ADAR: variants seen among roughly 807,000 people sequenced by gnomAD.
The protein encoded by ADAR is adenosine deaminase RNA specific, also known as double-stranded RNA-specific adenosine deaminase.
Under a neutral mutation model 113.2 loss-of-function variants are expected in ADAR, and 41 were observed. The observed-to-expected ratio is 0.36, with a 90% CI of 0.28 to 0.47. The LOEUF (loss-of-function observed/expected upper bound fraction) is 0.47, where lower values mean the gene tolerates loss of function less well. Ranked by LOEUF, ADAR falls within the 20% of genes least tolerant of loss-of-function variation. The pLI is 1.00. For synonymous variants in ADAR, 605 were observed against 572.6 expected (o/e 1.06, Z -0.81); for missense variants, 1,242 against 1,540.9 (o/e 0.81, Z 3.25).
intron 1 of ADAR, among the ~76,000 whole-genome samples, chr1:154,621,935 CA>C (rs1197779082): frequency 6.6e-6 from 1 of 152,068 alleles, no homozygotes; most frequent in Non-Finnish European, 1.5e-5. Flanking sequence ...TTGTTGTTGT[CA>C]AAAGAAAGAA....
rs1697829159 is a variant in ADAR at position 154,600,938 on chromosome 1, A to G, written c.1601+103T>C. The stretch of plus-strand genomic sequence containing the variant: ...AAAGGCAGAAGGGAAGGAGGAAAAG[A>G]TAGGCGCCACCAAACAGCACTGCTC... On this transcript the variant is annotated intron_variant, in intron 2 of 14. Transcript: ENST00000368474. The G allele has an allele frequency of 1.5e-5, 23 of 1,500,372 alleles. No homozygotes were observed. The South Asian group carries it at 2.5e-4, about 16-fold the overall frequency. 92.9% of individuals were successfully genotyped at this position (1,500,372 alleles called of 1,614,324 possible). A position where few individuals can be genotyped will look rare whatever the true frequency, so the allele number is the denominator to read the frequency against.
At chr1:154,589,731 G>A (rs1301044159) in intron 8 of ADAR, 26 bp downstream of exon 8, 1 of 1,614,018 alleles carries the variant, frequency 6.2e-7, no homozygotes. Context: ...GCCATGGGAG[G>A]CGGCATGTCT....
At chr1:154,624,056 T>A (rs1175187727) in intron 1 of ADAR, among the ~76,000 whole-genome samples, 2 of 143,746 alleles carry the variant, frequency 1.4e-5, no homozygotes, top group South Asian at 2.2e-4. Flanking sequence ...GAGAATGAAG[T>A]CAATAAAGAA....
intron 1 of ADAR, among the ~76,000 whole-genome samples, chr1:154,619,582 A>G (rs1698731737): frequency 6.6e-6 from 1 of 152,228 alleles, no homozygotes; most frequent in Non-Finnish European, 1.5e-5. Flanking sequence ...TTAATAATAA[A>G]GCATGTATCA....
At chr1:154,599,795 T>A (rs1697740808) in intron 2 of ADAR, among the ~76,000 whole-genome samples, 1 of 152,220 alleles carries the variant, frequency 6.6e-6, no homozygotes, top group African/African-American at 2.4e-5. Context: ...TGACCAGCTA[T>A]CTGAGTGAGG....
chr1:154,598,889 C>A (rs1347795421), intron 2 of ADAR, among the ~76,000 whole-genome samples: 1 of 152,236 alleles, frequency 6.6e-6, no homozygotes, highest in African/African-American at 2.4e-5. Context: ...AAAACCCACA[C>A]ACACAAAAAT....
rs773658109 is a variant in ADAR at position 154,601,853 on chromosome 1, G to A, written c.789C>T (p.Asp263=). 14 of 1,614,102 alleles carry A rather than the reference G, an allele frequency of 8.7e-6. No homozygotes were observed. The highest frequency in any genetic ancestry group is 1.1e-5 in the Non-Finnish European group (13 of 1,180,048). ...AGTTTGGGGATCCTTGGCTATGACT[G>A]TCTGGTCTTACCACTCCGCTGTGCT... ...WNQHSGVVRP[D]SHSQGSPNSD... is the part of the protein sequence containing the mutation. The change falls in exon 2 of 15, where the codon GAC becomes GAT. Residue 263 remains aspartate (D), a synonymous_variant. Coordinates refer to ENST00000368474, the MANE Select transcript of ADAR (RefSeq NM_001111.5). The surrounding 1 kb of genome is among the most constrained non-coding windows in gnomAD (Gnocchi z 4.7).
rs191358412 is a variant in ADAR at position 154,597,802 on chromosome 1, C to G, written c.1934+26G>C. The G allele has an allele frequency of 3.7e-4, 603 of 1,613,874 alleles. 2 individuals carry two copies. The African/African-American group carries it at 7.3e-3, about 19-fold the overall frequency. On this transcript the variant is annotated intron_variant, in intron 4 of 14. Coordinates refer to ENST00000368474, the MANE Select transcript of ADAR (RefSeq NM_001111.5). ...CTTTTTCTTTCTGAGAAAACCTCAG[C>G]TGGACAGAGGACACGTAGGACATAC...
intron 11 of ADAR, among the ~76,000 whole-genome samples, chr1:154,587,626 G>A (rs912778139): frequency 2.0e-4 from 30 of 152,162 alleles, no homozygotes; most frequent in African/African-American, 5.1e-4. Context: ...GAGTGGATGC[G>A]AAGAGACAGT....
chr1:154,619,623 GAAC>G (rs1698733554), intron 1 of ADAR, among the ~76,000 whole-genome samples: 1 of 151,942 alleles, frequency 6.6e-6, no homozygotes, highest in African/African-American at 2.4e-5. Context: ...AGGTTAATAA[GAAC>G]AACAACAAAA....
upstream of ADAR, among the ~76,000 whole-genome samples, chr1:154,611,139 C>T (rs1200778609): frequency 6.6e-6 from 1 of 152,060 alleles, no homozygotes; most frequent in Non-Finnish European, 1.5e-5. Context: ...TATATCTTAC[C>T]TCTGCTTTCT....
chr1:154,626,423 G>A (rs914113764), intron 1 of ADAR, among the ~76,000 whole-genome samples: 6 of 152,170 alleles, frequency 3.9e-5, no homozygotes, highest in Non-Finnish European at 8.8e-5. Flanking sequence ...CCTAAAGTGA[G>A]ATCTTCACCT....
chr1:154,606,151 C>T (rs1698178176), intron 1 of ADAR: 2 of 156,826 alleles, frequency 1.3e-5, no homozygotes, highest in Non-Finnish European at 2.8e-5. Context: ...AAGTGATTCT[C>T]CTGCCTCAGC....
intron 1 of ADAR, among the ~76,000 whole-genome samples, chr1:154,615,556 C>T (rs961746161): frequency 6.6e-6 from 1 of 151,962 alleles, no homozygotes; most frequent in Non-Finnish European, 1.5e-5. Context: ...ACTACAGGCA[C>T]ATACCACCAT....
intron 11 of ADAR, among the ~76,000 whole-genome samples, chr1:154,586,894 G>C (rs1696801623): frequency 6.6e-6 from 1 of 152,038 alleles, no homozygotes; most frequent in Non-Finnish European, 1.5e-5. Flanking sequence ...GAGGAGGCCG[G>C]GTGATCACAG....
intron 12 of ADAR, 118 bp from the exon 13 acceptor site, chr1:154,585,983 G>T: frequency 2.5e-6 from 3 of 1,192,830 alleles, no homozygotes; most frequent in Non-Finnish European, 3.7e-6. Context: ...AGAAACAGCT[G>T]CCTTGTTAGG....
chr1:154,607,537 G>A (rs1698273510), intron 1 of ADAR, among the ~76,000 whole-genome samples: 2 of 122,454 alleles, frequency 1.6e-5, no homozygotes, highest in African/African-American at 5.3e-5. Context: ...GGGGTAGGGG[G>A]TTCCACAAGG....
intron 1 of ADAR, among the ~76,000 whole-genome samples, chr1:154,621,526 A>G (rs945064775): frequency 1.3e-5 from 2 of 152,232 alleles, no homozygotes; most frequent in Non-Finnish European, 2.9e-5. Context: ...TATTTTAAAA[A>G]TCACTTAAAC....
chr1:154,586,488 C>A lies in ADAR; in HGVS notation c.3020-125G>T, dbSNP rs879031559. 7 of 1,009,170 alleles carry A rather than the reference C, an allele frequency of 6.9e-6. No individual in the cohort carries two copies. In the Admixed American group the frequency reaches 1.4e-4, roughly 20 times the overall value. 62.5% of individuals were successfully genotyped at this position (1,009,170 alleles called of 1,614,324 possible). On this transcript the variant is annotated intron_variant, in intron 11 of 14. Transcript: ENST00000368474. ...CATTCATTCTTCACATATTTCACAG[C>A]CCCTGCTATGCGCCAGGCACTATGC...
Sources: gnomAD v4.1 joint callset for allele counts (sites outside exome capture counted in the v4.1 genomes callset) on GRCh38, gnomAD v4.1.1 for gene constraint, Gnocchi (gnomAD v3.1) non-coding constraint, MANE v1.5 for transcripts, NCBI Gene and HGNC (gene_info 2026-07-23, HGNC 2026-07-21) for gene names.